Variants in PRSS27 observed in about 807,000 individuals in gnomAD.
The protein encoded by PRSS27 is serine protease 27.
PRSS27 carries 25 observed loss-of-function variants against 32.0 expected under a neutral mutation model. That is an observed-to-expected ratio of 0.78 (90% CI 0.57 to 1.09). The LOEUF (loss-of-function observed/expected upper bound fraction) is 1.09. Ranked by LOEUF, PRSS27 falls within the 50% of genes least tolerant of loss-of-function variation. The probability of loss-of-function intolerance (pLI) is 0.00; values close to 1 mark genes in which losing one functional copy is unlikely to be tolerated. For synonymous variants in PRSS27, 178 were observed against 172.2 expected (o/e 1.03, Z -0.26); for missense variants, 401 against 394.9 (o/e 1.02, Z -0.13).
rs1043031929 is a variant in PRSS27 at position 2,714,503 on chromosome 16, A to G, written c.237-167T>C. 2 of 759,384 alleles carry G rather than the reference A, an allele frequency of 2.6e-6. No homozygotes were observed. Among genetic ancestry groups the G allele is most frequent in the Non-Finnish European group, 4.3e-6 (2 of 470,428 alleles). 47.0% of individuals were successfully genotyped at this position (759,384 alleles called of 1,614,324 possible). A position where few individuals can be genotyped will look rare whatever the true frequency, so the allele number is the denominator to read the frequency against. The stretch of plus-strand genomic sequence containing the variant: ...AGGTGCAGCGGTGATGCGTGTTGAC[A>G]TTGAAGCCAGACCGCCCGACTCAGA... On this transcript the variant is annotated intron_variant, in intron 3 of 5. Transcript: ENST00000302641. The surrounding 1 kb of genome is among the most constrained non-coding windows in gnomAD (Gnocchi z 4.7).
intron 1 of PRSS27, among the ~76,000 whole-genome samples, chr16:2,718,748 C>A (rs1183492176): frequency 6.6e-6 from 1 of 152,192 alleles, no homozygotes; most frequent in African/African-American, 2.4e-5. Context: ...CTGATGGGAG[C>A]TCTGTCTACA....
At chr16:2,719,884 G>A (rs2067724526) in intron 1 of PRSS27, among the ~76,000 whole-genome samples, 1 of 152,176 alleles carries the variant, frequency 6.6e-6, no homozygotes, top group South Asian at 2.1e-4. Context: ...CAGTTATGCC[G>A]GTGGGGTCCT....
chr16:2,715,356 G>A (rs1295967365), intron 3 of PRSS27: 2 of 210,922 alleles, frequency 9.5e-6, no homozygotes, highest in Non-Finnish European at 9.5e-6. Flanking sequence ...AGTTCCTCCC[G>A]GGAAGAGTGT....
In PRSS27 at chr16:2,712,887, G is replaced by A; in HGVS notation, c.679-73C>T. 8.2e-7 allele frequency: 1 copy of A among 1,221,404 alleles called. No individual in the cohort carries two copies. Among genetic ancestry groups the A allele is most frequent in the Non-Finnish European group, 1.1e-6 (1 of 899,132 alleles). 75.7% of individuals were successfully genotyped at this position (1,221,404 alleles called of 1,614,324 possible). A position where few individuals can be genotyped will look rare whatever the true frequency, so the allele number is the denominator to read the frequency against. Reference sequence around the variant, plus strand: ...AGACTCAGTTGCAGCCGCACAGGAGGTGTGTAGCTCCGCAATGGATTCCTT... The same window carrying A: ...AGACTCAGTTGCAGCCGCACAGGAGATGTGTAGCTCCGCAATGGATTCCTT... On this transcript the variant is annotated intron_variant, in intron 5 of 5. Transcript: ENST00000302641. This position sits in a 1 kb window ranked among gnomAD's most constrained non-coding sequence, Gnocchi z 4.6.
rs772357000 is a variant in PRSS27, at chr16:2,714,424, G to A, written c.237-88C>T. 4.0e-5 allele frequency: 57 copies of A among 1,422,010 alleles called. 1 individual carries two copies. Among genetic ancestry groups the A allele is most frequent in the Middle Eastern group, 1.8e-4 (1 of 5,650 alleles). The allele number at this position is 1,422,010 out of a possible 1,614,324, so 88.1% of individuals were successfully genotyped here. A position where few individuals can be genotyped will look rare whatever the true frequency, so the allele number is the denominator to read the frequency against. ...GGCTGGGGCTCCTCTGGCCACCACC[G>A]TGCCCCACACCTCTCTCTGCACAAT... On this transcript the variant is annotated intron_variant, in intron 3 of 5. Coordinates refer to ENST00000302641, the MANE Select transcript of PRSS27 (RefSeq NM_031948.5). This position sits in a 1 kb window ranked among gnomAD's most constrained non-coding sequence, Gnocchi z 4.7.
Position 2,715,958 on chromosome 16 carries a change from C to T in PRSS27, c.74-78G>A, listed in dbSNP as rs2067699796. On this transcript the variant is annotated intron_variant, in intron 2 of 5. Coordinates refer to ENST00000302641, the MANE Select transcript of PRSS27 (RefSeq NM_031948.5). ...CCGAGGCCCAGCTCTCAGCCTCACA[C>T]TCCAGTCCTCGGCCCTCCTGCCCCT... The T allele has an allele frequency of 2.3e-6, 3 of 1,294,494 alleles. 1 individual carries two copies. In the South Asian group the frequency reaches 4.4e-5, roughly 19 times the overall value. The allele number at this position is 1,294,494 out of a possible 1,614,324, so 80.2% of individuals were successfully genotyped here. A position where few individuals can be genotyped will look rare whatever the true frequency, so the allele number is the denominator to read the frequency against.
chr16:2,717,814 A>T lies in PRSS27; in HGVS notation c.47-1288T>A, dbSNP rs1229805721. On this transcript the variant is annotated intron_variant, in intron 1 of 5. Coordinates refer to ENST00000302641, the MANE Select transcript of PRSS27 (RefSeq NM_031948.5). This position sits in a 1 kb window ranked among gnomAD's most constrained non-coding sequence, Gnocchi z 4.1. ...CCCAACACCACTGGTGGGCAGAGAC[A>T]CCCCGGGGGTTGCTGGACGATAAGG... 4 of 151,976 alleles carry T rather than the reference A, an allele frequency of 2.6e-5. No individual in the cohort carries two copies. The highest frequency in any genetic ancestry group is 4.4e-5 in the Non-Finnish European group (3 of 68,066). The allele number at this position is 151,976 out of a possible 1,614,324, so 9.4% of individuals were successfully genotyped here. A position where few individuals can be genotyped will look rare whatever the true frequency, so the allele number is the denominator to read the frequency against.
In PRSS27 at chr16:2,712,608, G is replaced by T. The variant is rs370668830; in HGVS notation, c.*12C>A. 6.4e-7 allele frequency: 1 copy of T among 1,568,812 alleles called. No individual in the cohort carries two copies. Among genetic ancestry groups the T allele is most frequent in the Non-Finnish European group, 8.6e-7 (1 of 1,156,542 alleles). On this transcript the variant is annotated 3_prime_UTR_variant, in exon 6 of 6. Coordinates refer to ENST00000302641, the MANE Select transcript of PRSS27 (RefSeq NM_031948.5). This position sits in a 1 kb window ranked among gnomAD's most constrained non-coding sequence, Gnocchi z 4.6. ...CAGAGCTCTGCTCAAGGGGCTCCTGGCCCCGGGGGTCTCACTTCTGGCCGC... is the reference window on the plus strand; with the variant it reads ...CAGAGCTCTGCTCAAGGGGCTCCTGTCCCCGGGGGTCTCACTTCTGGCCGC...
At chr16:2,715,360 A>C in intron 3 of PRSS27, 6 of 209,638 alleles carry the variant, frequency 2.9e-5, no homozygotes, top group Admixed American at 6.1e-5. Flanking sequence ...CCTCCCGGGA[A>C]GAGTGTCCTG....
At position 2,720,196 on chromosome 16, in the gene PRSS27, G is replaced by A. The variant is rs2067727245; in HGVS notation, c.-36C>T. On this transcript the variant is annotated 5_prime_UTR_variant, in exon 1 of 6. Coordinates refer to ENST00000302641, the MANE Select transcript of PRSS27 (RefSeq NM_031948.5). ...CTGGCTGGGGCGCAGGGCCGTGGTC[G>A]GCGGTGGCAGAAGCGTTGGAGCACG... The A allele has an allele frequency of 1.3e-6, 2 of 1,561,252 alleles. No homozygotes were observed. Among genetic ancestry groups the A allele is most frequent in the African/African-American group, 1.4e-5 (1 of 73,854 alleles).
chr16:2,716,209 G>A (rs7201453), intron 2 of PRSS27: 11,672 of 573,286 alleles, frequency 0.02, 223 homozygotes, highest in African/African-American at 0.067. Flanking sequence ...CAGGTGTCAA[G>A]CCCTCTGCAA....
At chr16:2,716,130 GCACTGAGATAACC>G (rs2067700978) in intron 2 of PRSS27, 2 of 534,266 alleles carry the variant, frequency 3.7e-6, no homozygotes, top group Non-Finnish European at 6.6e-6. Flanking sequence ...GGCCACGGAG[GCACTGAGATAACC>G]CAGGGAAGGG....
At chr16:2,713,187 C>T (rs546741541) in intron 5 of PRSS27, 1 of 457,494 alleles carries the variant, frequency 2.2e-6, no homozygotes, top group Admixed American at 3.4e-5. Context: ...CAAGCTCCGC[C>T]TCCCAGGTTC....
At chr16:2,713,735 T>C (rs1335998599) in intron 4 of PRSS27, 37 bp from the exon 5 acceptor site, 1 of 1,606,340 alleles carries the variant, frequency 6.2e-7, no homozygotes, top group African/African-American at 1.3e-5. Flanking sequence ...CTCAACGGAC[T>C]TCCTCATCAA....
At position 2,713,299 on chromosome 16, in the gene PRSS27, T is replaced by C. The variant is rs568074332; in HGVS notation, c.678+230A>G. ...ATTTTTAGTAGAGATGGGGTTTCAC[T>C]GTGTTAGCCAGGATGGTCTCCATCT... is the stretch of plus-strand genomic sequence containing the variant. On this transcript the variant is annotated intron_variant, in intron 5 of 5. Coordinates refer to ENST00000302641, the MANE Select transcript of PRSS27 (RefSeq NM_031948.5). The C allele has an allele frequency of 2.4e-4, 132 of 542,986 alleles. No individual in the cohort carries two copies. In the Middle Eastern group the frequency reaches 3.1e-3, roughly 13 times the overall value. The allele number at this position is 542,986 out of a possible 1,614,324, so 33.6% of individuals were successfully genotyped here.
chr16:2,719,974 G>T, intron 1 of PRSS27, 141 bp downstream of exon 1: 1 of 789,440 alleles, frequency 1.3e-6, no homozygotes, highest in Non-Finnish European at 2.0e-6. Context: ...CTTCCCACCT[G>T]CTCAGGGGCA....
rs111587450 is a variant in PRSS27, at chr16:2,716,654, C to A, written c.47-128G>T. 7.4e-6 allele frequency: 7 copies of A among 952,214 alleles called. No homozygotes were observed. In the African/African-American group the frequency reaches 8.1e-5, roughly 11 times the overall value. 59.0% of individuals were successfully genotyped at this position (952,214 alleles called of 1,614,324 possible). ...TCCAGAGGGACAGTCCACAGAGGGA[C>A]CTCACCGGAGAGCCCAAGGGCCTGC... On this transcript the variant is annotated intron_variant, in intron 1 of 5. Coordinates refer to ENST00000302641, the MANE Select transcript of PRSS27 (RefSeq NM_031948.5).
At chr16:2,716,337 C>G (rs955978749) in intron 2 of PRSS27, 163 bp downstream of exon 2, 2 of 691,650 alleles carry the variant, frequency 2.9e-6, no homozygotes, top group African/African-American at 3.5e-5. Flanking sequence ...GTGGACCTTC[C>G]TCCTCCTCTC....
intron 1 of PRSS27, among the ~76,000 whole-genome samples, chr16:2,719,686 G>A (rs894978471): frequency 5.9e-5 from 9 of 152,266 alleles, no homozygotes; most frequent in East Asian, 3.9e-4. Flanking sequence ...AGCAGCCCTC[G>A]GCTCGGCCAC....
Sources: gnomAD v4.1 joint callset for allele counts (sites outside exome capture counted in the v4.1 genomes callset) on GRCh38, gnomAD v4.1.1 for gene constraint, Gnocchi (gnomAD v3.1) non-coding constraint, MANE v1.5 for transcripts, NCBI Gene and HGNC (gene_info 2026-07-23, HGNC 2026-07-21) for gene names.